The following ANO10 variants were observed in gnomAD, a reference collection of about 807,000 sequenced individuals.
ANO10 encodes anoctamin 10.
ANO10 carries 77 observed loss-of-function variants against 74.7 expected under a neutral mutation model. That is an observed-to-expected ratio of 1.03 (90% CI 0.86 to 1.25). ANO10 has a LOEUF of 1.25. Among genes scored for constraint, ANO10 ranks in the 50% most tolerant of loss-of-function variants. The pLI is 0.00. For missense variants in ANO10, 721 were observed against 778.1 expected, an observed-to-expected ratio of 0.93 and a Z score of 0.87; for synonymous variants, 279 against 284.9, an observed-to-expected ratio of 0.98 and a Z score of 0.21.
At chr3:43,498,162 CAA>C (rs1231058928) in intron 11 of ANO10, among the ~76,000 whole-genome samples, 1 of 152,194 alleles carries the variant, frequency 6.6e-6, no homozygotes, top group Admixed American at 6.5e-5. Flanking sequence ...TTCTGCACTA[CAA>C]AGTGTGTATG....
intron 12 of ANO10, among the ~76,000 whole-genome samples, 175 bp downstream of exon 12, chr3:43,432,436 G>A (rs768048281): frequency 6.6e-6 from 1 of 151,972 alleles, no homozygotes; most frequent in Non-Finnish European, 1.5e-5. Context: ...AAACCTATTT[G>A]TTGCTCATAT....
chr3:43,590,546 T>G (rs2081687338), intron 4 of ANO10, among the ~76,000 whole-genome samples: 1 of 152,146 alleles, frequency 6.6e-6, no homozygotes, highest in South Asian at 2.1e-4. Flanking sequence ...GCCAAAAATT[T>G]TTCCAGTTTT....
intron 12 of ANO10, among the ~76,000 whole-genome samples, chr3:43,380,557 A>G (rs1424319488): frequency 1.3e-5 from 2 of 152,332 alleles, no homozygotes; most frequent in African/African-American, 4.8e-5. Flanking sequence ...CTTAAACAAA[A>G]CAATTGGCCA....
chr3:43,388,021 A>G (rs947295480), intron 12 of ANO10, among the ~76,000 whole-genome samples: 7 of 152,244 alleles, frequency 4.6e-5, no homozygotes, highest in Non-Finnish European at 2.9e-5. Flanking sequence ...AATGGCACAC[A>G]AAAAGAAATA....
intron 4 of ANO10, among the ~76,000 whole-genome samples, chr3:43,592,795 A>G (rs1033316566): frequency 6.6e-6 from 1 of 152,156 alleles, no homozygotes; most frequent in Non-Finnish European, 1.5e-5. Context: ...ATGGGTAATA[A>G]CGAACTTCTC....
chr3:43,529,707 A>C (rs2078371890), intron 11 of ANO10, among the ~76,000 whole-genome samples: 2 of 152,188 alleles, frequency 1.3e-5, no homozygotes, highest in Non-Finnish European at 2.9e-5. Context: ...TGTCAAGTAG[A>C]TAATACATAA....
chr3:43,644,624 T>A (rs2083707808), intron 1 of ANO10, among the ~76,000 whole-genome samples: 1 of 152,182 alleles, frequency 6.6e-6, no homozygotes. Flanking sequence ...TTTGATTGGG[T>A]TTACTCTGAT....
chr3:43,544,328 C>A (rs1287497522), intron 11 of ANO10, among the ~76,000 whole-genome samples: 1 of 151,948 alleles, frequency 6.6e-6, no homozygotes, highest in Non-Finnish European at 1.5e-5. Context: ...ACAAAAATTT[C>A]TTTATTTTGC....
chr3:43,643,036 C>CTTT (rs537354306), intron 1 of ANO10, among the ~76,000 whole-genome samples: 3 of 142,836 alleles, frequency 2.1e-5, no homozygotes, highest in African/African-American at 7.7e-5. Flanking sequence ...TTTCTTTTTT[C>CTTT]TTTTTTTTTT....
At chr3:43,646,595 A>G (rs1030764705) in intron 1 of ANO10, among the ~76,000 whole-genome samples, 1 of 152,094 alleles carries the variant, frequency 6.6e-6, no homozygotes, top group Admixed American at 6.6e-5. Flanking sequence ...GCAGTGGTGC[A>G]ATCCTGACTC....
At chr3:43,634,210 C>T (rs1199754191) in intron 1 of ANO10, among the ~76,000 whole-genome samples, 1 of 152,066 alleles carries the variant, frequency 6.6e-6, no homozygotes, top group Non-Finnish European at 1.5e-5. Context: ...CAGAAGTATA[C>T]TCTACAGCCT....
At chr3:43,679,313 G>A (rs1384057419) in intron 1 of ANO10, among the ~76,000 whole-genome samples, 1 of 152,198 alleles carries the variant, frequency 6.6e-6, no homozygotes, top group East Asian at 1.9e-4. Context: ...TGGCTCGGAG[G>A]GTCCTACGCC....
At chr3:43,528,724 A>T (rs905807607) in intron 11 of ANO10, among the ~76,000 whole-genome samples, 2 of 152,150 alleles carry the variant, frequency 1.3e-5, no homozygotes, top group African/African-American at 4.8e-5. Context: ...CTCAGAAGAA[A>T]AAAACAGCAG....
intron 1 of ANO10, among the ~76,000 whole-genome samples, chr3:43,680,915 G>A (rs534662830): frequency 1.3e-5 from 2 of 152,134 alleles, no homozygotes; most frequent in Admixed American, 6.6e-5. Context: ...CCCTAAAAGA[G>A]CTCCTGAAGG....
chr3:43,496,748 A>G (rs2076932340), intron 11 of ANO10, among the ~76,000 whole-genome samples: 1 of 151,930 alleles, frequency 6.6e-6, no homozygotes, highest in Non-Finnish European at 1.5e-5. Context: ...TTTTCTCCAC[A>G]CTTCACCACT....
At chr3:43,433,241 C>T (rs964469480) in intron 11 of ANO10, among the ~76,000 whole-genome samples, 7 of 152,228 alleles carry the variant, frequency 4.6e-5, no homozygotes, top group African/African-American at 1.7e-4. Flanking sequence ...AGCGACCACA[C>T]CCAGCCAACT....
In ANO10 at chr3:43,432,494, T is replaced by C. The variant is rs369622289; in HGVS notation, c.1914+117A>G. 3 of 871,254 alleles carry C rather than the reference T, an allele frequency of 3.4e-6. No individual in the cohort carries two copies. In the African/African-American group the frequency reaches 5.0e-5, roughly 14 times the overall value. 54.0% of individuals were successfully genotyped at this position (871,254 alleles called of 1,614,324 possible). A position where few individuals can be genotyped will look rare whatever the true frequency, so the allele number is the denominator to read the frequency against. ...TGTCATCCTGAACTGGAGTCCTCTG[T>C]ATTCATTTAAACTGGTAACTTCAAG... On this transcript the variant is annotated intron_variant, in intron 12 of 12. Transcript: ENST00000292246.
intron 12 of ANO10, among the ~76,000 whole-genome samples, chr3:43,428,423 T>A (rs1386654528): frequency 6.6e-6 from 1 of 152,062 alleles, no homozygotes; most frequent in Non-Finnish European, 1.5e-5. Flanking sequence ...GGAGAATACT[T>A]CTTCTGGGTT....
At chr3:43,450,725 A>G (rs935366975) in intron 11 of ANO10, among the ~76,000 whole-genome samples, 7 of 152,330 alleles carry the variant, frequency 4.6e-5, no homozygotes, top group African/African-American at 1.7e-4. Flanking sequence ...CGTGAACTAA[A>G]GCCATAAGAA....
Sources: gnomAD v4.1 joint callset for allele counts (sites outside exome capture counted in the v4.1 genomes callset) on GRCh38, gnomAD v4.1.1 for gene constraint, MANE v1.5 for transcripts, NCBI Gene and HGNC (gene_info 2026-07-23, HGNC 2026-07-21) for gene names.